IGSF11: variants seen among roughly 807,000 people sequenced by gnomAD.
IGSF11 encodes immunoglobulin superfamily member 11, also known as CXADR like 1.
In IGSF11, 22 loss-of-function variants were observed where a neutral mutation model predicts 41.0. That is an observed-to-expected ratio of 0.54 (90% CI 0.38 to 0.77). The LOEUF (loss-of-function observed/expected upper bound fraction) is 0.77. IGSF11 is among the 30% of genes least tolerant of loss of function. The probability of loss-of-function intolerance (pLI) is 0.00; values close to 1 mark genes in which losing one functional copy is unlikely to be tolerated. For synonymous variants in IGSF11, 219 were observed against 201.3 expected (o/e 1.09, Z -0.74); for missense variants, 444 against 530.8 (o/e 0.84, Z 1.61).
intron 1 of IGSF11, among the ~76,000 whole-genome samples, chr3:119,115,713 G>A (rs116714037): frequency 0.019 from 2,935 of 152,030 alleles, 44 homozygotes; most frequent in Non-Finnish European, 0.029. Flanking sequence ...TCTTCACTTC[G>A]TTGACTGTTT....
chr3:119,074,210 A>G (rs2076453204), intron 1 of IGSF11, among the ~76,000 whole-genome samples: 1 of 152,194 alleles, frequency 6.6e-6, no homozygotes, highest in African/African-American at 2.4e-5. Flanking sequence ...ACAACAGAAT[A>G]TACATTCTCA....
intron 1 of IGSF11, among the ~76,000 whole-genome samples, chr3:118,977,738 C>T (rs775216241): frequency 2.0e-5 from 3 of 152,226 alleles, no homozygotes; most frequent in Non-Finnish European, 1.5e-5. Context: ...CCCTCAGAGG[C>T]CTTGAAAGTA....
At chr3:119,101,815 C>T (rs1358437787) in intron 1 of IGSF11, among the ~76,000 whole-genome samples, 2 of 152,164 alleles carry the variant, frequency 1.3e-5, no homozygotes, top group African/African-American at 2.4e-5. Flanking sequence ...TCTATTGACT[C>T]CACAGTATCA....
At chr3:119,048,031 C>G (rs572173095) in intron 1 of IGSF11, among the ~76,000 whole-genome samples, 4 of 151,254 alleles carry the variant, frequency 2.6e-5, no homozygotes, top group Non-Finnish European at 4.4e-5. Flanking sequence ...ACTAAATGCC[C>G]ACAAGAGAAA....
At chr3:119,142,605 G>T (rs1188138951) in intron 1 of IGSF11, among the ~76,000 whole-genome samples, 1 of 152,024 alleles carries the variant, frequency 6.6e-6, no homozygotes, top group Admixed American at 6.5e-5. Flanking sequence ...AGACCTATAA[G>T]ACACCCTTAA....
intron 1 of IGSF11, among the ~76,000 whole-genome samples, chr3:119,011,665 T>C (rs1356699639): frequency 2.6e-5 from 4 of 152,120 alleles, no homozygotes; most frequent in African/African-American, 9.7e-5. Context: ...CAAGGAGCCA[T>C]ATATGTACAG....
intron 1 of IGSF11, among the ~76,000 whole-genome samples, chr3:119,051,453 A>T (rs1365880144): frequency 6.6e-6 from 1 of 152,190 alleles, no homozygotes; most frequent in East Asian, 1.9e-4. Context: ...CATGCACCTA[A>T]CACTGGATCT....
At chr3:118,946,210 A>G (rs949579437) in intron 1 of IGSF11, among the ~76,000 whole-genome samples, 24 of 137,546 alleles carry the variant, frequency 1.7e-4, no homozygotes, top group African/African-American at 6.0e-4. Flanking sequence ...ACACGCACAC[A>G]CACACACACA....
At chr3:119,106,383 G>A (rs1416919217), upstream of IGSF11, among the ~76,000 whole-genome samples, 1 of 151,948 alleles carries the variant, frequency 6.6e-6, no homozygotes, top group Non-Finnish European at 1.5e-5. Context: ...CCAGCCTCTG[G>A]TAACCATTTT....
chr3:119,071,881 T>C (rs977850956), intron 1 of IGSF11, among the ~76,000 whole-genome samples: 31 of 152,216 alleles, frequency 2.0e-4, no homozygotes, highest in African/African-American at 7.5e-4. Flanking sequence ...ACAAAACAGC[T>C]GGAATTTTGA....
chr3:118,933,470 T>TATATATA (rs59418588), intron 1 of IGSF11, among the ~76,000 whole-genome samples: 16 of 146,170 alleles, frequency 1.1e-4, no homozygotes, highest in African/African-American at 3.3e-4. Context: ...CATGTATTTT[T>TATATATA]TATATATATA....
chr3:119,060,360 A>G (rs1942014249), intron 1 of IGSF11, among the ~76,000 whole-genome samples: 2 of 152,316 alleles, frequency 1.3e-5, no homozygotes, highest in East Asian at 1.9e-4. Context: ...GAGTCAAAAC[A>G]TAAGAAAAAA....
chr3:118,962,562 T>G (rs1408931788), intron 1 of IGSF11, among the ~76,000 whole-genome samples: 1 of 152,124 alleles, frequency 6.6e-6, no homozygotes, highest in East Asian at 1.9e-4. Flanking sequence ...AAAATGACTT[T>G]GGGTTCAATT....
chr3:118,969,815 C>A (rs569159103), intron 1 of IGSF11, among the ~76,000 whole-genome samples: 1 of 152,108 alleles, frequency 6.6e-6, no homozygotes, highest in African/African-American at 2.4e-5. Flanking sequence ...GGTAGAGGAA[C>A]GGAAGGATGG....
In IGSF11 at chr3:118,905,636, A is replaced by C; in HGVS notation, c.663T>G (p.Ile221Met). The C allele has an allele frequency of 6.2e-7, 1 of 1,613,952 alleles. No individual in the cohort carries two copies. The highest frequency in any genetic ancestry group is 8.5e-7 in the Non-Finnish European group (1 of 1,179,846). Residue 221 changes from isoleucine (I) to methionine (M), a missense_variant, in exon 5 of 7, where the codon ATT becomes ATG. Coordinates refer to ENST00000393775, the MANE Select transcript of IGSF11 (RefSeq NM_001015887.3). ...GATCCAGAAGACAGGTGCTGGTTCC[A>C]ATAGCATTAGAAGCCACGCACTGGT... ...GLYQCVASNAIGTSTCLLDLQ... is the reference protein window; with the variant it reads ...GLYQCVASNAMGTSTCLLDLQ...
intron 1 of IGSF11, among the ~76,000 whole-genome samples, chr3:119,049,992 A>C (rs1941546633): frequency 6.8e-6 from 1 of 146,714 alleles, no homozygotes. Context: ...TTATACAAAA[A>C]TCAATTCAAG....
At chr3:118,913,063 C>T (rs1216683599) in intron 4 of IGSF11, among the ~76,000 whole-genome samples, 1 of 150,474 alleles carries the variant, frequency 6.6e-6, no homozygotes, top group Non-Finnish European at 1.5e-5. Flanking sequence ...GAACAGCCAT[C>T]AGAGTAGAAG....
At chr3:119,035,612 G>T (rs1940859388), upstream of IGSF11, among the ~76,000 whole-genome samples, 3 of 152,312 alleles carry the variant, frequency 2.0e-5, no homozygotes, top group South Asian at 2.1e-4. Context: ...GTTTAGTTGG[G>T]TTTTTTGTTT....
intron 1 of IGSF11, among the ~76,000 whole-genome samples, chr3:119,022,395 T>C (rs1939382638): frequency 6.6e-6 from 1 of 152,210 alleles, no homozygotes; most frequent in South Asian, 2.1e-4. Flanking sequence ...CCAAATCATA[T>C]ACTTAAAATG....
Sources: gnomAD v4.1 joint callset for allele counts (sites outside exome capture counted in the v4.1 genomes callset) on GRCh38, gnomAD v4.1.1 for gene constraint, MANE v1.5 for transcripts, NCBI Gene and HGNC (gene_info 2026-07-23, HGNC 2026-07-21) for gene names.